GATA2: variants seen among roughly 807,000 people sequenced by gnomAD.
GATA2 encodes endothelial transcription factor GATA-2.
GATA2 carries 6 observed loss-of-function variants against 35.7 expected under a neutral mutation model. The ratio of observed to expected loss-of-function variants is 0.17; its 90% CI spans 0.09 to 0.33. GATA2 has a LOEUF of 0.33. Ranked by LOEUF, GATA2 falls within the 10% of genes least tolerant of loss-of-function variation. GATA2 has a pLI of 1.00. For missense variants in GATA2, 541 were observed against 656.6 expected (o/e 0.82, Z 1.92); for synonymous variants, 313 against 274.9 (o/e 1.14, Z -1.37).
chr3:128,484,115 C>T, intron 3 of GATA2, 110 bp from the exon 4 acceptor site: 1 of 1,403,890 alleles, frequency 7.1e-7, no homozygotes, highest in Non-Finnish European at 9.7e-7. Context: ...CTCTCAGGCA[C>T]ACGGTTGGCC....
In GATA2 at chr3:128,488,460, AG is replaced by A. The variant is rs2068735499; in HGVS notation, c.-45-1385del. On this transcript the variant is annotated intron_variant, in intron 1 of 5. Coordinates refer to ENST00000341105, the MANE Select transcript of GATA2 (RefSeq NM_032638.5). The surrounding 1 kb of genome is among the most constrained non-coding windows in gnomAD (Gnocchi z 5.8). ...GGAGCCGAGAGGGGCAGAGAGGGGC[AG>A]GAACTACAGGGCTCTAGAGGGCACC... is the stretch of plus-strand genomic sequence containing the variant. The A allele has an allele frequency of 6.5e-6, 1 of 152,800 alleles. No individual in the cohort carries two copies. Among genetic ancestry groups the A allele is most frequent in the Non-Finnish European group, 1.5e-5 (1 of 68,542 alleles). 9.5% of individuals were successfully genotyped at this position (152,800 alleles called of 1,614,324 possible).
chr3:128,483,501 G>A (rs2068656402), intron 4 of GATA2, among the ~76,000 whole-genome samples: 2 of 152,184 alleles, frequency 1.3e-5, no homozygotes, highest in South Asian at 4.1e-4. Context: ...TTGTGAGCGG[G>A]GCTGTCGGGG....
rs1193305958 is a variant in GATA2, at chr3:128,488,659, CT to C, written c.-45-1584del. On this transcript the variant is annotated intron_variant, in intron 1 of 5. Coordinates refer to ENST00000341105, the MANE Select transcript of GATA2 (RefSeq NM_032638.5). The surrounding 1 kb of genome is among the most constrained non-coding windows in gnomAD (Gnocchi z 5.8). ...AGACCCGGACTGGCGCCGGCGCCAGCTGGAGGGAGACGCCCCCGGGCAAGAG... is the reference window on the plus strand; with the variant it reads ...AGACCCGGACTGGCGCCGGCGCCAGCGGAGGGAGACGCCCCCGGGCAAGAG... 1 of 152,108 alleles carries C rather than the reference CT, an allele frequency of 6.6e-6. No individual in the cohort carries two copies. Among genetic ancestry groups the C allele is most frequent in the Non-Finnish European group, 1.5e-5 (1 of 67,998 alleles). The allele number at this position is 152,108 out of a possible 1,614,324, so 9.4% of individuals were successfully genotyped here.
Position 128,481,079 on chromosome 3 carries a change from G to A in GATA2, c.1383C>T (p.Pro461=), listed in dbSNP as rs1200504281. 1.2e-6 allele frequency: 2 copies of A among 1,607,638 alleles called. No individual in the cohort carries two copies. Among genetic ancestry groups the A allele is most frequent in the South Asian group, 2.2e-5 (2 of 90,452 alleles). Residue 461 remains proline (P), a synonymous_variant, in exon 6 of 6, where the codon CCC becomes CCT. Coordinates refer to ENST00000341105, the MANE Select transcript of GATA2 (RefSeq NM_032638.5). The part of the protein sequence containing the change: ...HILPTPTPIH[P]SSSLSFGHPH... ...GGTGGCCGAAGGAGAGGCTGGAGGA[G>A]GGGTGGATGGGCGTCGGAGTGGGCA...
In GATA2 at chr3:128,481,166, G is replaced by C. The variant is rs2068622930; in HGVS notation, c.1296C>G (p.Ala432=). The C allele has an allele frequency of 1.9e-6, 3 of 1,614,096 alleles. No homozygotes were observed. The highest frequency in any genetic ancestry group is 2.5e-6 in the Non-Finnish European group (3 of 1,180,042). Residue 432 remains alanine, a synonymous_variant, in exon 6 of 6, where the codon GCC becomes GCG. Coordinates refer to ENST00000341105, the MANE Select transcript of GATA2 (RefSeq NM_032638.5). Reference sequence around the variant, plus strand: ...CCACAGGTGCCATGTGTCCAGCCAGGGCAGCTGCACTGAAGGGGGATGACT... The same window carrying C: ...CCACAGGTGCCATGTGTCCAGCCAGCGCAGCTGCACTGAAGGGGGATGACT... ...QEKSSPFSAA[A]LAGHMAPVGH...
In GATA2 at chr3:128,479,622, G is replaced by A. The variant is rs1255017480; in HGVS notation, c.*1397C>T. ...GATTCTTTTTCTTATGCGGACACTA[G>A]TACAAAATAAGTTACTTCTGGCCGT... is the stretch of plus-strand genomic sequence containing the variant. On this transcript the variant is annotated 3_prime_UTR_variant, in exon 6 of 6. Transcript: ENST00000341105. 1.7e-5 allele frequency: 4 copies of A among 233,518 alleles called. No homozygotes were observed. Among genetic ancestry groups the A allele is most frequent in the Admixed American group, 1.1e-4 (2 of 17,794 alleles). 14.5% of individuals were successfully genotyped at this position (233,518 alleles called of 1,614,324 possible).
chr3:128,491,050 T>C (rs554011759), intron 1 of GATA2, among the ~76,000 whole-genome samples: 1 of 152,260 alleles, frequency 6.6e-6, no homozygotes, highest in East Asian at 1.9e-4. Context: ...GCCCGAGAAC[T>C]CACAGCGGCG....
At position 128,486,818 on chromosome 3, in the gene GATA2, A is replaced by G; in HGVS notation, c.214T>C (p.Tyr72His). 6.2e-7 allele frequency: 1 copy of G among 1,607,576 alleles called. No individual in the cohort carries two copies. The highest frequency in any genetic ancestry group is 1.1e-5 in the South Asian group (1 of 89,548). The change falls in exon 2 of 6, where the codon TAC becomes CAC. Residue 72 changes from tyrosine (Y) to histidine (H), a missense_variant. Tyr to His is a moderately conservative substitution (Grantham distance 83). This residue lies in a region of GATA2 where 389 missense variants were observed against 396.9 expected (regional missense o/e 0.98). Transcript: ENST00000341105. The part of the protein sequence containing the change: ...NPAHARARVS[Y>H]SPAHARLTGG... ...CAGTGCTCACCGTGCGCGGGGCTGT[A>G]GGAGACGCGCGCCCGCGCGTGAGCG...
rs373477245 is a variant in GATA2, at chr3:128,485,999, C to T, written c.599G>A (p.Gly200Asp). 20 of 1,614,042 alleles carry T rather than the reference C, an allele frequency of 1.2e-5. No individual in the cohort carries two copies. The highest frequency in any genetic ancestry group is 1.4e-5 in the Non-Finnish European group (17 of 1,180,022). ...AASPASSSAGGSAARGEDKDG... is the reference protein window; with the variant it reads ...AASPASSSAGDSAARGEDKDG... ...CTTGTCCTCTCCTCGGGCTGCACTA[C>T]CCCCCGCGGAAGATGAGGCTGGAGA... Residue 200 changes from glycine to aspartate, a missense_variant, in exon 3 of 6, where the codon GGT becomes GAT. By Grantham distance (94) the Gly-to-Asp change is moderately conservative (BLOSUM62 -1). Coordinates refer to ENST00000341105, the MANE Select transcript of GATA2 (RefSeq NM_032638.5).
chr3:128,489,912 C>T (rs1272267172), intron 1 of GATA2: 2 of 152,302 alleles, frequency 1.3e-5, no homozygotes, highest in Non-Finnish European at 1.5e-5. Flanking sequence ...GGCAAAGCTG[C>T]CCCGCTCGAG....
At chr3:128,486,459 T>C (rs879746419) in intron 2 of GATA2, 91 bp from the exon 3 acceptor site, 21 of 1,475,728 alleles carry the variant, frequency 1.4e-5, no homozygotes, top group Non-Finnish European at 1.8e-5. Flanking sequence ...AGATCACGAC[T>C]CCCAGAACCA....
Position 128,488,081 on chromosome 3 carries a change from G to C in GATA2, c.-45-1005C>G, listed in dbSNP as rs933602207. 6.6e-6 allele frequency among the ~76,000 whole-genome samples: 1 copy of C among 152,108 alleles called. No homozygotes were observed. The highest frequency in any genetic ancestry group is 2.1e-4 in the South Asian group (1 of 4,832). ...CGCGGGCCGGCCCCCCTCAGCCGGC[G>C]GGCCCCCTCCCTGCGCGCTCCTGGC... On this transcript the variant is annotated intron_variant, in intron 1 of 5. Coordinates refer to ENST00000341105, the MANE Select transcript of GATA2 (RefSeq NM_032638.5). The surrounding 1 kb of genome is among the most constrained non-coding windows in gnomAD (Gnocchi z 5.8).
In GATA2 at chr3:128,486,197, G is replaced by A. The variant is rs1193650911; in HGVS notation, c.401C>T (p.Pro134Leu). 1.9e-6 allele frequency: 3 copies of A among 1,561,250 alleles called. No homozygotes were observed. The South Asian group carries it at 3.5e-5, about 18-fold the overall frequency. Residue 134 changes from proline (P) to leucine (L), a missense_variant, in exon 3 of 6, where the codon CCT becomes CTT. This residue lies in a region of GATA2 where 389 missense variants were observed against 396.9 expected (regional missense o/e 0.98). Coordinates refer to ENST00000341105, the MANE Select transcript of GATA2 (RefSeq NM_032638.5). ...TGGGTACACAGAGAGTGGGCCTCCA[G>A]GGCCTCCAGCAGCTGAGGGGTGCAG... ...TPLHPSAAGG[P>L]GGPLSVYPGA...
chr3:128,491,222 C>T (rs1168632226), intron 1 of GATA2, among the ~76,000 whole-genome samples: 7 of 91,022 alleles, frequency 7.7e-5, no homozygotes, highest in African/African-American at 1.4e-4. Flanking sequence ...CCCCCCCCCT[C>T]TGAGCCCTTT....
intron 1 of GATA2, among the ~76,000 whole-genome samples, chr3:128,489,020 A>G (rs2068741687): frequency 6.6e-6 from 1 of 151,760 alleles, no homozygotes; most frequent in Non-Finnish European, 1.5e-5. Flanking sequence ...CTCCCGGGGT[A>G]GATGTCCAGA....
In GATA2 at chr3:128,486,290, G is replaced by C; in HGVS notation, c.308C>G (p.Ala103Gly). Residue 103 changes from alanine to glycine, a missense_variant, in exon 3 of 6, where the codon GCA becomes GGA. Coordinates refer to ENST00000341105, the MANE Select transcript of GATA2 (RefSeq NM_032638.5). ...GTGGGCCGCAGCGGCAGAGAGGGCTGCTTTGCCCCCGTCCAGCCAGGGCAA... is the reference window on the plus strand; with the variant it reads ...GTGGGCCGCAGCGGCAGAGAGGGCTCCTTTGCCCCCGTCCAGCCAGGGCAA... ...PGLPWLDGGK[A>G]ALSAAAAHHH... is the part of the protein sequence containing the mutation. 6.3e-7 allele frequency: 1 copy of C among 1,585,676 alleles called. No individual in the cohort carries two copies. The highest frequency in any genetic ancestry group is 8.6e-7 in the Non-Finnish European group (1 of 1,168,276).
intron 1 of GATA2, among the ~76,000 whole-genome samples, chr3:128,489,005 C>T (rs1202645956): frequency 6.6e-6 from 1 of 151,952 alleles, no homozygotes; most frequent in African/African-American, 2.4e-5. Context: ...CTGTTGGGCC[C>T]GAGGCTCCCG....
At chr3:128,481,478 C>A (rs1053768357) in intron 5 of GATA2, among the ~76,000 whole-genome samples, 160 bp from the exon 6 acceptor site, 1 of 152,220 alleles carries the variant, frequency 6.6e-6, no homozygotes, top group African/African-American at 2.4e-5. Context: ...GGCTACCATT[C>A]CAGGAAGGGC....
chr3:128,481,446 C>A, intron 5 of GATA2, 128 bp from the exon 6 acceptor site: 1 of 1,033,448 alleles, frequency 9.7e-7, no homozygotes, highest in Non-Finnish European at 1.5e-6. Flanking sequence ...TGTGCCCGAC[C>A]TTCATAGTCC....
Sources: allele counts gnomAD v4.1 joint callset (sites outside exome capture counted in the v4.1 genomes callset), GRCh38; gene constraint gnomAD v4.1.1; regional missense constraint gnomAD v4.1.1; non-coding constraint Gnocchi (gnomAD v3.1); transcripts MANE v1.5; gene names NCBI Gene and HGNC (gene_info 2026-07-23, HGNC 2026-07-21).